The following TANGO6 variants were observed in gnomAD, a reference collection of about 807,000 sequenced individuals.
TANGO6 encodes the protein transport and Golgi organization protein 6 homolog.
TANGO6 carries 90 observed loss-of-function variants against 114.2 expected under a neutral mutation model. The observed-to-expected ratio is 0.79, with a 90% confidence interval of 0.66 to 0.94. TANGO6 has a LOEUF of 0.94. TANGO6 is among the 40% of genes least tolerant of loss of function. TANGO6 has a pLI of 0.00. For missense variants in TANGO6, 1,274 were observed against 1,315.3 expected (o/e 0.97, Z 0.49); for synonymous variants, 477 against 509.8 (o/e 0.94, Z 0.87).
chr16:68,968,484 C>A (rs2152211277), intron 14 of TANGO6, among the ~76,000 whole-genome samples: 1 of 151,804 alleles, frequency 6.6e-6, no homozygotes, highest in Non-Finnish European at 1.5e-5. Flanking sequence ...CCTGTCTCAG[C>A]CTCCCAAGTA....
intron 5 of TANGO6, among the ~76,000 whole-genome samples, chr16:68,876,262 A>T (rs1461719801): frequency 6.6e-6 from 1 of 152,004 alleles, no homozygotes; most frequent in Non-Finnish European, 1.5e-5. Context: ...CCCGGGTTCA[A>T]GCGATTCTCC....
chr16:69,037,407 G>A (rs1387786579), intron 16 of TANGO6, among the ~76,000 whole-genome samples: 2 of 152,144 alleles, frequency 1.3e-5, no homozygotes, highest in African/African-American at 4.8e-5. Flanking sequence ...ACGTAGAGGG[G>A]AGCAAACATA....
chr16:68,886,292 G>T (rs1268876355), intron 7 of TANGO6, among the ~76,000 whole-genome samples: 1 of 151,272 alleles, frequency 6.6e-6, no homozygotes, highest in African/African-American at 2.4e-5. Context: ...TCAGCTCGCT[G>T]CAACAACCTC....
intron 15 of TANGO6, among the ~76,000 whole-genome samples, chr16:68,990,588 G>A (rs936618922): frequency 5.3e-5 from 8 of 151,988 alleles, no homozygotes; most frequent in African/African-American, 1.2e-4. Flanking sequence ...TGTATATTTC[G>A]TAGAGACAGG....
intron 16 of TANGO6, among the ~76,000 whole-genome samples, chr16:69,027,919 T>G (rs778712861): frequency 3.9e-4 from 59 of 152,120 alleles, no homozygotes; most frequent in Non-Finnish European, 5.3e-4. Context: ...TAGCTGGGAT[T>G]ACAGGCGCCT....
chr16:68,912,303 G>A (rs1962933001), intron 11 of TANGO6, among the ~76,000 whole-genome samples: 1 of 152,112 alleles, frequency 6.6e-6, no homozygotes, highest in Non-Finnish European at 1.5e-5. Flanking sequence ...TTCGAGACCA[G>A]CCTGGGCAAC....
intron 15 of TANGO6, among the ~76,000 whole-genome samples, chr16:68,990,771 G>C (rs1006502676): frequency 2.0e-5 from 3 of 152,166 alleles, no homozygotes; most frequent in African/African-American, 7.2e-5. Context: ...AGGGAGTCAA[G>C]ATCATGAAAG....
intron 15 of TANGO6, among the ~76,000 whole-genome samples, chr16:69,020,106 T>A (rs868488295): frequency 1.5e-4 from 23 of 152,126 alleles, no homozygotes; most frequent in Non-Finnish European, 2.8e-4. Context: ...TTATATATAT[T>A]TTTTATACAG....
chr16:68,915,912 A>T (rs1416174706), intron 11 of TANGO6, among the ~76,000 whole-genome samples: 1 of 152,172 alleles, frequency 6.6e-6, no homozygotes, highest in Non-Finnish European at 1.5e-5. Flanking sequence ...TGACCTTCTC[A>T]GCCTTTCCAT....
At chr16:68,895,370 A>T (rs963283927) in intron 7 of TANGO6, among the ~76,000 whole-genome samples, 4 of 152,160 alleles carry the variant, frequency 2.6e-5, no homozygotes, top group African/African-American at 9.7e-5. Flanking sequence ...ATATAAAATA[A>T]AAAAATAAAA....
chr16:68,858,603 C>T (rs548815569), intron 1 of TANGO6, among the ~76,000 whole-genome samples: 2 of 152,112 alleles, frequency 1.3e-5, no homozygotes, highest in African/African-American at 4.8e-5. Context: ...ACCTCAGCCC[C>T]CTGAGTAGCT....
At chr16:69,042,923 G>A (rs1368696476) in intron 17 of TANGO6, among the ~76,000 whole-genome samples, 1 of 152,134 alleles carries the variant, frequency 6.6e-6, no homozygotes, top group Non-Finnish European at 1.5e-5. Context: ...AAGCAAAAAT[G>A]TATTTGAAAA....
In TANGO6 at chr16:68,852,519, G is replaced by C. The variant is rs113115652; in HGVS notation, c.95-7365G>C. On this transcript the variant is annotated intron_variant, in intron 1 of 17. Transcript: ENST00000261778. ...ATATATATTTTCAAAATTTTATTAT[G>C]GTTTTCTAAACAAATAGAAAAGCTC... Among the ~76,000 whole-genome samples the C allele has an allele frequency of 3.4e-3, 511 of 152,016 alleles. 1 individual carries two copies. The highest frequency in any genetic ancestry group is 4.8e-3 in the Non-Finnish European group (328 of 67,986).
chr16:68,933,783 C>T (rs1430475218), intron 14 of TANGO6: 2 of 152,218 alleles, frequency 1.3e-5, no homozygotes, highest in African/African-American at 2.4e-5. Context: ...TATATGCTGT[C>T]CCTTTAGTGG....
chr16:68,979,525 G>A (rs575350104), intron 15 of TANGO6, among the ~76,000 whole-genome samples: 44 of 151,934 alleles, frequency 2.9e-4, no homozygotes, highest in African/African-American at 9.4e-4. Context: ...CCACTGCGCC[G>A]GGCCCAGGAA....
At chr16:68,866,974 CCTTTT>C in intron 3 of TANGO6, 100 bp from the exon 4 acceptor site, 1 of 789,988 alleles carries the variant, frequency 1.3e-6, no homozygotes, top group Non-Finnish European at 1.9e-6. Flanking sequence ...AGCTATTTCT[CCTTTT>C]TTTTTTTTTT....
intron 14 of TANGO6, chr16:68,934,041 ATTT>A (rs765471686): frequency 5.7e-5 from 8 of 139,898 alleles, no homozygotes; most frequent in Admixed American, 7.2e-5. Flanking sequence ...GAATTCTGGA[ATTT>A]TTTTTTTTTT....
chr16:69,053,928 G>C (rs913146004), intron 17 of TANGO6, among the ~76,000 whole-genome samples: 2 of 152,160 alleles, frequency 1.3e-5, no homozygotes, highest in Admixed American at 6.6e-5. Context: ...AGCCAGGTAT[G>C]GTGGCAGGGG....
At chr16:69,054,428 C>G (rs1176533117) in intron 17 of TANGO6, among the ~76,000 whole-genome samples, 1 of 152,162 alleles carries the variant, frequency 6.6e-6, no homozygotes, top group Non-Finnish European at 1.5e-5. Flanking sequence ...GCCATCAACT[C>G]CTGAAATTTT....
Sources: allele counts gnomAD v4.1 joint callset (sites outside exome capture counted in the v4.1 genomes callset), GRCh38; gene constraint gnomAD v4.1.1; transcripts MANE v1.5; gene names NCBI Gene and HGNC (gene_info 2026-07-23, HGNC 2026-07-21).